Variants in SRRM4 observed in about 807,000 individuals in gnomAD.
The protein encoded by SRRM4 is serine/arginine repetitive matrix protein 4.
A neutral mutation model predicts 68.9 loss-of-function variants in SRRM4; 33 were observed. The ratio of observed to expected loss-of-function variants is 0.48; its 90% confidence interval spans 0.36 to 0.64. The LOEUF (loss-of-function observed/expected upper bound fraction) is 0.64. SRRM4 is among the 30% of genes least tolerant of loss of function. SRRM4 has a pLI of 0.00. For synonymous variants in SRRM4, 318 were observed against 318.8 expected (o/e 1.00, Z 0.03); for missense variants, 817 against 827.1 (o/e 0.99, Z 0.15).
At chr12:119,140,597 C>A (rs1273420881) in intron 8 of SRRM4, among the ~76,000 whole-genome samples, 1 of 152,244 alleles carries the variant, frequency 6.6e-6, no homozygotes, top group Non-Finnish European at 1.5e-5. Context: ...GGCTGGCAGC[C>A]TTGCTGCATG....
chr12:119,127,262 C>G (rs984197782), intron 7 of SRRM4, among the ~76,000 whole-genome samples: 1 of 152,006 alleles, frequency 6.6e-6, no homozygotes, highest in Non-Finnish European at 1.5e-5. Context: ...TGTTTGGAAT[C>G]GTTGATGTTC....
At chr12:119,050,850 CTATT>C (rs1254652305) in intron 1 of SRRM4, among the ~76,000 whole-genome samples, 1 of 151,870 alleles carries the variant, frequency 6.6e-6, no homozygotes, top group South Asian at 2.1e-4. Flanking sequence ...ATTAAATGTA[CTATT>C]TATTTAATAT....
intron 1 of SRRM4, among the ~76,000 whole-genome samples, chr12:118,996,953 A>G (rs1474725935): frequency 4.6e-5 from 7 of 152,188 alleles, no homozygotes; most frequent in Admixed American, 4.6e-4. Context: ...CTGCACAGAG[A>G]TGAGGTGGAC....
intron 1 of SRRM4, among the ~76,000 whole-genome samples, chr12:119,017,302 C>T (rs184033122): frequency 8.9e-4 from 136 of 152,364 alleles, no homozygotes; most frequent in African/African-American, 2.0e-3. Context: ...AACTGACACA[C>T]ATTTATAATT....
intron 1 of SRRM4, among the ~76,000 whole-genome samples, chr12:119,048,416 C>T (rs2136015585): frequency 6.6e-6 from 1 of 152,134 alleles, no homozygotes; most frequent in East Asian, 1.9e-4. Context: ...AGCTAGATAA[C>T]ACACTAAGAA....
chr12:119,156,374 A>AT, intron 12 of SRRM4, 121 bp from the exon 13 acceptor site: 1 of 1,422,888 alleles, frequency 7.0e-7, no homozygotes, highest in Non-Finnish European at 9.3e-7. Context: ...GAAAGGGAGT[A>AT]TTTTTTCCTA....
At chr12:119,155,386 G>A (rs1438934235) in intron 12 of SRRM4, among the ~76,000 whole-genome samples, 1 of 152,210 alleles carries the variant, frequency 6.6e-6, no homozygotes, top group Non-Finnish European at 1.5e-5. Context: ...CCTGGAGGAG[G>A]AAAAAGAATG....
intron 1 of SRRM4, among the ~76,000 whole-genome samples, chr12:119,034,253 A>G (rs1953612051): frequency 6.6e-6 from 1 of 152,194 alleles, no homozygotes. Flanking sequence ...CCCCACACCA[A>G]TCATTGAAAA....
chr12:119,094,300 C>T (rs1456895270), intron 1 of SRRM4, among the ~76,000 whole-genome samples: 1 of 152,180 alleles, frequency 6.6e-6, no homozygotes, highest in Non-Finnish European at 1.5e-5. Context: ...AACATGGCTA[C>T]TCAGAGTGTA....
intron 1 of SRRM4, among the ~76,000 whole-genome samples, chr12:119,071,338 T>C (rs1272858188): frequency 6.6e-6 from 1 of 152,218 alleles, no homozygotes; most frequent in Admixed American, 6.5e-5. Flanking sequence ...GAATCTTAGC[T>C]TTGGCCTTTC....
intron 5 of SRRM4, among the ~76,000 whole-genome samples, chr12:119,121,372 G>T (rs1954218518): frequency 6.6e-6 from 1 of 152,146 alleles, no homozygotes; most frequent in South Asian, 2.1e-4. Context: ...ATCTCTATTT[G>T]ATTACACTGA....
intron 1 of SRRM4, among the ~76,000 whole-genome samples, chr12:119,039,712 T>A (rs752099044): frequency 1.3e-4 from 20 of 152,284 alleles, no homozygotes; most frequent in Admixed American, 1.0e-3. Flanking sequence ...CAAAGTATTA[T>A]CATAAATATC....
chr12:119,030,816 T>C (rs1953584423), intron 1 of SRRM4, among the ~76,000 whole-genome samples: 1 of 152,210 alleles, frequency 6.6e-6, no homozygotes, highest in Non-Finnish European at 1.5e-5. Context: ...ATTCGACCTT[T>C]TTTAACCTGC....
At position 119,149,497 on chromosome 12, in the gene SRRM4, TA is replaced by T. The variant is rs1954425514; in HGVS notation, c.1077-1518del. On this transcript the variant is annotated intron_variant, in intron 9 of 12. Transcript: ENST00000267260. ...AAGAGACAGCCTACAAGTATAAGACTAAGTAAGCCATATAGGGATAGGCAAA... is the reference window on the plus strand; with the variant it reads ...AAGAGACAGCCTACAAGTATAAGACTAGTAAGCCATATAGGGATAGGCAAA... Among the ~76,000 whole-genome samples, 4 of 152,330 alleles carry T rather than the reference TA, an allele frequency of 2.6e-5. No individual in the cohort carries two copies. The East Asian group carries it at 7.7e-4, about 29-fold the overall frequency.
At chr12:119,116,345 T>C (rs1352001701) in intron 3 of SRRM4, among the ~76,000 whole-genome samples, 2 of 152,142 alleles carry the variant, frequency 1.3e-5, no homozygotes, top group African/African-American at 4.8e-5. Context: ...GATGGCACTA[T>C]CCGTGCAGCC....
chr12:119,112,171 G>A (rs770963818), intron 2 of SRRM4, among the ~76,000 whole-genome samples: 25 of 152,146 alleles, frequency 1.6e-4, no homozygotes, highest in Non-Finnish European at 3.2e-4. Context: ...TAAGTAGTTA[G>A]GTACTTAATT....
intron 1 of SRRM4, among the ~76,000 whole-genome samples, chr12:119,042,589 T>G (rs896480493): frequency 6.9e-6 from 1 of 144,946 alleles, no homozygotes; most frequent in African/African-American, 2.6e-5. Flanking sequence ...CAATGGAAGA[T>G]GAAAGAGAAG....
At chr12:119,043,805 C>CACAA (rs1594040962) in intron 1 of SRRM4, among the ~76,000 whole-genome samples, 1 of 151,824 alleles carries the variant, frequency 6.6e-6, no homozygotes, top group East Asian at 1.9e-4. Flanking sequence ...CACACACACA[C>CACAA]ACAAGTCTTG....
chr12:119,154,249 G>C lies in SRRM4; in HGVS notation c.1398G>C (p.Arg466=). 1 of 1,604,456 alleles carries C rather than the reference G, an allele frequency of 6.2e-7. No homozygotes were observed. Among genetic ancestry groups the C allele is most frequent in the Non-Finnish European group, 8.5e-7 (1 of 1,174,944 alleles). The change falls in exon 12 of 13, where the codon CGG becomes CGC. Residue 466 remains arginine, a synonymous_variant. Transcript: ENST00000267260. The surrounding 1 kb of genome is among the most constrained non-coding windows in gnomAD (Gnocchi z 4.7). The stretch of plus-strand genomic sequence containing the variant: ...ACCCCCCGCGCCCCTTCAGGGAGCG[G>C]GATCCCAAATACAGTGAGAAGGACT... ...SYSRYSPSRE[R]DPKYSEKDSQ...
Sources: allele counts gnomAD v4.1 joint callset (sites outside exome capture counted in the v4.1 genomes callset), GRCh38; gene constraint gnomAD v4.1.1; non-coding constraint Gnocchi (gnomAD v3.1); transcripts MANE v1.5; gene names NCBI Gene and HGNC (gene_info 2026-07-23, HGNC 2026-07-21).